The following ADGRL3 variants were observed in gnomAD, a reference collection of about 807,000 sequenced individuals.
ADGRL3 encodes calcium-independent alpha-latrotoxin receptor 3.
In ADGRL3, 62 loss-of-function variants were observed where a neutral mutation model predicts 153.5. The observed-to-expected ratio is 0.40, with a 90% CI of 0.33 to 0.50. ADGRL3 has a LOEUF of 0.50. Among genes scored for constraint, ADGRL3 ranks in the 20% least tolerant of loss-of-function variants. The pLI is 0.47. For missense variants in ADGRL3, 1,641 were observed against 1,859.4 expected (o/e 0.88, Z 2.16); for synonymous variants, 710 against 672.5 (o/e 1.06, Z -0.86).
At chr4:61,345,601 T>C (rs1005149031) in intron 1 of ADGRL3, among the ~76,000 whole-genome samples, 4 of 152,166 alleles carry the variant, frequency 2.6e-5, no homozygotes, top group East Asian at 1.9e-4. Flanking sequence ...ACAAGGACAA[T>C]TGCATATATA....
At chr4:61,836,308 A>T (rs1302439922) in intron 9 of ADGRL3, among the ~76,000 whole-genome samples, 1 of 152,188 alleles carries the variant, frequency 6.6e-6, no homozygotes, top group Non-Finnish European at 1.5e-5. Context: ...AACTTTGTAA[A>T]TCTGTTATTG....
chr4:61,902,351 C>A lies in ADGRL3; in HGVS notation c.1887+6517C>A, dbSNP rs114662743. Among the ~76,000 whole-genome samples the A allele has an allele frequency of 9.7e-3, 1,472 of 152,196 alleles. 26 individuals carry two copies. The highest frequency in any genetic ancestry group is 0.033 in the African/African-American group (1,374 of 41,534). ...GTGTAACTGTAAATTCCTCTCAGGC[C>A]AGGCCACTGCTTTTCACTTCTCTCC... On this transcript the variant is annotated intron_variant, in intron 11 of 26. Coordinates refer to ENST00000683033, the MANE Select transcript of ADGRL3 (RefSeq NM_001387552.1).
At chr4:61,355,234 C>T (rs751107256) in intron 1 of ADGRL3, among the ~76,000 whole-genome samples, 10 of 152,044 alleles carry the variant, frequency 6.6e-5, no homozygotes, top group Non-Finnish European at 1.2e-4. Context: ...AATATTTTAA[C>T]AGCTCCCACA....
chr4:62,014,218 C>T (rs1201640231), intron 21 of ADGRL3, among the ~76,000 whole-genome samples: 1 of 152,074 alleles, frequency 6.6e-6, no homozygotes, highest in African/African-American at 2.4e-5. Flanking sequence ...GATGGCACTT[C>T]CACCACCTGA....
At position 62,001,092 on chromosome 4, in the gene ADGRL3, T is replaced by C. The variant is rs145519205; in HGVS notation, c.3395+2827T>C. ...AGCCACTGCACCTGGCTGAGGATGG[T>C]TTTAAGTTGAAAGAATTATGAATAT... On this transcript the variant is annotated intron_variant, in intron 21 of 26. Transcript: ENST00000683033. Among the ~76,000 whole-genome samples the C allele has an allele frequency of 1.8e-3, 280 of 152,166 alleles. 1 individual carries two copies. Among genetic ancestry groups the C allele is most frequent in the Non-Finnish European group, 2.0e-3 (139 of 67,992 alleles).
intron 5 of ADGRL3, among the ~76,000 whole-genome samples, chr4:61,637,085 G>T (rs1201595651): frequency 1.3e-5 from 2 of 152,100 alleles, no homozygotes; most frequent in African/African-American, 2.4e-5. Flanking sequence ...AGCACAGAGA[G>T]CCACTGTTAC....
chr4:61,533,386 G>T (rs1386242761), intron 4 of ADGRL3, among the ~76,000 whole-genome samples: 1 of 152,126 alleles, frequency 6.6e-6, no homozygotes, highest in Non-Finnish European at 1.5e-5. Flanking sequence ...GTCCTCATTT[G>T]TGAAAACAAA....
chr4:62,055,544 G>A (rs1299794633), intron 25 of ADGRL3, among the ~76,000 whole-genome samples: 1 of 151,752 alleles, frequency 6.6e-6, no homozygotes, highest in Non-Finnish European at 1.5e-5. Flanking sequence ...TTAGCGTTCA[G>A]TAAAATATTT....
Position 62,076,249 on chromosome 4 carries a change from T to C in ADGRL3, c.*5341T>C, listed in dbSNP as rs1039933621. On this transcript the variant is annotated 3_prime_UTR_variant, in exon 27 of 27. Transcript: ENST00000683033. The stretch of plus-strand genomic sequence containing the variant: ...AAATGTCTTGATTTCAGCTAAGTTT[T>C]GATGTTTCTTTTTCTCTTAATAGTA... The C allele has an allele frequency of 1.3e-5, 2 of 152,120 alleles. No homozygotes were observed. Among genetic ancestry groups the C allele is most frequent in the African/African-American group, 4.8e-5 (2 of 41,458 alleles). The allele number at this position is 152,120 out of a possible 1,614,324, so 9.4% of individuals were successfully genotyped here. A position where few individuals can be genotyped will look rare whatever the true frequency, so the allele number is the denominator to read the frequency against.
chr4:61,387,647 G>A (rs796733332), intron 2 of ADGRL3, among the ~76,000 whole-genome samples: 19 of 152,218 alleles, frequency 1.2e-4, no homozygotes, highest in African/African-American at 4.3e-4. Flanking sequence ...CTGGCTCACC[G>A]GTGGTCAGAG....
At chr4:61,227,904 T>C (rs1748699269) in intron 1 of ADGRL3, among the ~76,000 whole-genome samples, 1 of 152,238 alleles carries the variant, frequency 6.6e-6, no homozygotes, top group South Asian at 2.1e-4. Context: ...TGTTTTAAAC[T>C]TTTTATTTTG....
intron 13 of ADGRL3, among the ~76,000 whole-genome samples, chr4:61,927,913 A>G (rs1327733028): frequency 2.6e-5 from 4 of 151,986 alleles, no homozygotes; most frequent in African/African-American, 9.6e-5. Flanking sequence ...CTATCTATCT[A>G]TCTACAGTGT....
At chr4:62,026,956 T>C (rs1306007182) in intron 21 of ADGRL3, among the ~76,000 whole-genome samples, 1 of 152,064 alleles carries the variant, frequency 6.6e-6, no homozygotes, top group Admixed American at 6.6e-5. Flanking sequence ...ATTTAAAATC[T>C]ATACAAAGCT....
At chr4:61,967,016 G>A (rs771387190) in intron 17 of ADGRL3, among the ~76,000 whole-genome samples, 5 of 152,080 alleles carry the variant, frequency 3.3e-5, no homozygotes, top group Non-Finnish European at 7.4e-5. Context: ...ATGGGAAATA[G>A]CACTGCAAGA....
intron 4 of ADGRL3, among the ~76,000 whole-genome samples, chr4:61,522,058 T>A (rs1435102569): frequency 1.3e-5 from 2 of 152,148 alleles, no homozygotes; most frequent in East Asian, 3.9e-4. Context: ...TTTCATTCAA[T>A]CGTTCCTTCT....
chr4:61,643,438 C>T (rs2093790792), intron 5 of ADGRL3, among the ~76,000 whole-genome samples: 1 of 151,650 alleles, frequency 6.6e-6, no homozygotes, highest in Non-Finnish European at 1.5e-5. Flanking sequence ...TCATAGATAG[C>T]TCTTATTATT....
At chr4:61,640,246 A>G (rs1262399818) in intron 5 of ADGRL3, among the ~76,000 whole-genome samples, 1 of 152,140 alleles carries the variant, frequency 6.6e-6, no homozygotes, top group Non-Finnish European at 1.5e-5. Context: ...AAAAAATGCA[A>G]AAAAAGGAAT....
intron 5 of ADGRL3, among the ~76,000 whole-genome samples, chr4:61,594,234 C>T (rs1214821448): frequency 6.6e-6 from 1 of 152,124 alleles, no homozygotes; most frequent in Non-Finnish European, 1.5e-5. Context: ...CTTTGTGTTT[C>T]CTCAAAACAG....
chr4:61,745,037 A>G (rs2096636775), intron 8 of ADGRL3, among the ~76,000 whole-genome samples: 1 of 152,244 alleles, frequency 6.6e-6, no homozygotes, highest in Non-Finnish European at 1.5e-5. Flanking sequence ...GATGGAGCTG[A>G]GAACCAAGAC....
Sources: gnomAD v4.1 joint callset for allele counts (sites outside exome capture counted in the v4.1 genomes callset) on GRCh38, gnomAD v4.1.1 for gene constraint, MANE v1.5 for transcripts, NCBI Gene and HGNC (gene_info 2026-07-23, HGNC 2026-07-21) for gene names.